TYRO3: variants seen among roughly 807,000 people sequenced by gnomAD.
The protein encoded by TYRO3 is TYRO3 protein tyrosine kinase, also known as tyrosine-protein kinase receptor TYRO3.
Under a neutral mutation model 95.2 loss-of-function variants are expected in TYRO3, and 38 were observed. The ratio of observed to expected loss-of-function variants is 0.40; its 90% confidence interval spans 0.31 to 0.52. The LOEUF is 0.52. Among genes scored for constraint, TYRO3 ranks in the 20% least tolerant of loss-of-function variants. The pLI is 0.56. For synonymous variants in TYRO3, 367 were observed against 432.9 expected, an observed-to-expected ratio of 0.85 and a Z score of 1.89; for missense variants, 812 against 1,116.4, an observed-to-expected ratio of 0.73 and a Z score of 3.89.
rs2055928325 is a variant in TYRO3, at chr15:41,582,017, G to A, written c.*3741G>A. 6.6e-6 allele frequency: 1 copy of A among 152,094 alleles called. No homozygotes were observed. The highest frequency in any genetic ancestry group is 1.5e-5 in the Non-Finnish European group (1 of 68,064). The allele number at this position is 152,094 out of a possible 1,614,324, so 9.4% of individuals were successfully genotyped here. A position where few individuals can be genotyped will look rare whatever the true frequency, so the allele number is the denominator to read the frequency against. ...ACAGCAACCCAGAAGCAACCCTTGG[G>A]ACCTGCCTCAATCTCTGCCTCCTCC... On this transcript the variant is annotated 3_prime_UTR_variant, in exon 19 of 19. Coordinates refer to ENST00000263798, the MANE Select transcript of TYRO3 (RefSeq NM_006293.4).
intron 4 of TYRO3, 47 bp downstream of exon 4, chr15:41,562,765 C>T: frequency 6.4e-7 from 1 of 1,553,460 alleles, no homozygotes; most frequent in Non-Finnish European, 8.7e-7. Flanking sequence ...GAGCTGGGTC[C>T]TGGAGGGCAC....
chr15:41,573,417 C>G lies in TYRO3; in HGVS notation c.2095C>G (p.Leu699Val). The change falls in exon 17 of 19, where the codon CTG becomes GTG. Residue 699 changes from leucine (L) to valine (V), a missense_variant. Physicochemically the swap from Leu to Val is conservative, Grantham distance 32 (BLOSUM62 1). Transcript: ENST00000263798. ...TGCCTCCAAACTGCCTGTCAAGTGG[C>G]TGGCCCTGGAGAGCCTGGCCGACAA... ...GCASKLPVKW[L>V]ALESLADNLY... The G allele has an allele frequency of 1.2e-6, 2 of 1,614,274 alleles. No homozygotes were observed. Among genetic ancestry groups the G allele is most frequent in the Non-Finnish European group, 1.7e-6 (2 of 1,180,054 alleles).
chr15:41,568,222 G>T lies in TYRO3; in HGVS notation c.967G>T (p.Ala323Ser). Residue 323 changes from alanine (A) to serine (S), a missense_variant, in exon 8 of 19, where the codon GCC (alanine) becomes TCC (serine). Physicochemically the swap from Ala to Ser is moderately conservative, Grantham distance 99 (BLOSUM62 1). Coordinates refer to ENST00000263798, the MANE Select transcript of TYRO3 (RefSeq NM_006293.4). Reference sequence around the variant, plus strand: ...TCTTCTCTCTTTGGCTGCAGCCCCAGCCAGCGCTCCCCAAAACCTCCATGC... The same window carrying T: ...TCTTCTCTCTTTGGCTGCAGCCCCATCCAGCGCTCCCCAAAACCTCCATGC... ...VPFQTKGLAP[A>S]SAPQNLHAIR... 3 of 1,612,166 alleles carry T rather than the reference G, an allele frequency of 1.9e-6. No individual in the cohort carries two copies. The highest frequency in any genetic ancestry group is 2.5e-6 in the Non-Finnish European group (3 of 1,179,890).
At chr15:41,570,439 C>A in intron 11 of TYRO3, 99 bp downstream of exon 11, 1 of 1,309,562 alleles carries the variant, frequency 7.6e-7, no homozygotes, top group South Asian at 1.4e-5. Flanking sequence ...GTCTGAACAT[C>A]AGTGAGCCCC....
At chr15:41,572,914 C>A in intron 15 of TYRO3, 88 bp from the exon 16 acceptor site, 1 of 1,070,434 alleles carries the variant, frequency 9.3e-7, no homozygotes, top group Non-Finnish European at 1.4e-6. Flanking sequence ...TGGGGACAGC[C>A]TTCAGGCTTT....
intron 16 of TYRO3, 84 bp downstream of exon 16, chr15:41,573,195 A>G (rs2055820125): frequency 3.5e-6 from 5 of 1,408,550 alleles, no homozygotes; most frequent in East Asian, 4.6e-5. Context: ...TGCCTGGGAC[A>G]GTATCTGCTA....
chr15:41,562,793 GCCAC>G, intron 4 of TYRO3, 75 bp downstream of exon 4: 1 of 1,475,966 alleles, frequency 6.8e-7, no homozygotes, highest in Non-Finnish European at 9.2e-7. Flanking sequence ...GGCAGTTTCA[GCCAC>G]TGAGCTTGCG....
chr15:41,561,504 C>A (rs1212407468), intron 2 of TYRO3, 35 bp from the exon 3 acceptor site: 1 of 1,550,488 alleles, frequency 6.4e-7, no homozygotes, highest in East Asian at 2.4e-5. Flanking sequence ...GCCGCCCTTG[C>A]CCTCGGAAGC....
chr15:41,564,565 C>G (rs932239226), intron 5 of TYRO3, among the ~76,000 whole-genome samples: 2 of 152,210 alleles, frequency 1.3e-5, no homozygotes, highest in Admixed American at 1.3e-4. Context: ...CCATGCCCAG[C>G]CTTGTTTCTG....
chr15:41,565,952 T>A (rs1033794318), intron 6 of TYRO3, among the ~76,000 whole-genome samples: 2 of 152,150 alleles, frequency 1.3e-5, no homozygotes, highest in African/African-American at 4.8e-5. Flanking sequence ...AATGAGTACC[T>A]TTCAAAACTG....
Position 41,573,040 on chromosome 15 carries a change from C to T in TYRO3, c.1914C>T (p.Asp638=). The change falls in exon 16 of 19, where the codon GAC becomes GAT. Residue 638 remains aspartate, a synonymous_variant. Coordinates refer to ENST00000263798, the MANE Select transcript of TYRO3 (RefSeq NM_006293.4). ...PLQTLIRFMV[D]IACGMEYLSS... ...AGACCCTGATCCGGTTCATGGTGGACATTGCCTGCGGCATGGAGTACCTGA... is the reference window on the plus strand; with the variant it reads ...AGACCCTGATCCGGTTCATGGTGGATATTGCCTGCGGCATGGAGTACCTGA... The T allele has an allele frequency of 1.2e-6, 2 of 1,614,218 alleles. No homozygotes were observed. Among genetic ancestry groups the T allele is most frequent in the Admixed American group, 3.3e-5 (2 of 60,030 alleles).
chr15:41,563,512 G>T (rs2055682945), intron 4 of TYRO3, among the ~76,000 whole-genome samples: 1 of 152,138 alleles, frequency 6.6e-6, no homozygotes, highest in African/African-American at 2.4e-5. Context: ...GGAAGCAAGT[G>T]CAGGTCCTGT....
chr15:41,564,052 C>T, intron 4 of TYRO3, 132 bp from the exon 5 acceptor site: 1 of 814,510 alleles, frequency 1.2e-6, no homozygotes, highest in Non-Finnish European at 2.1e-6. Flanking sequence ...CACCGTACCT[C>T]ACTGCCCAGC....
chr15:41,574,116 A>C (rs925509758), intron 18 of TYRO3, among the ~76,000 whole-genome samples: 2 of 152,170 alleles, frequency 1.3e-5, no homozygotes, highest in African/African-American at 4.8e-5. Flanking sequence ...ACAGTGTGGG[A>C]GGTTTCCCTG....
chr15:41,572,472 C>A lies in TYRO3; in HGVS notation c.1783C>A (p.Arg595Ser), dbSNP rs148583498. The A allele has an allele frequency of 1.2e-6, 2 of 1,614,106 alleles. No individual in the cohort carries two copies. The highest frequency in any genetic ancestry group is 2.7e-5 in the African/African-American group (2 of 74,944). ...GVSLRSRAKG[R>S]LPIPMVILPF... ...AAGCCTCCGGAGCAGGGCTAAAGGC[C>A]GTCTCCCCATCCCCATGGTCATCTT... The change falls in exon 15 of 19, where the codon CGT (arginine) becomes AGT (serine). Residue 595 changes from arginine (R) to serine (S), a missense_variant. Arg to Ser is a moderately radical substitution (Grantham distance 110). Transcript: ENST00000263798.
At chr15:41,573,139 G>T in intron 16 of TYRO3, 28 bp downstream of exon 16, 1 of 1,608,580 alleles carries the variant, frequency 6.2e-7, no homozygotes, top group Non-Finnish European at 8.5e-7. Context: ...CTCGAGGGTG[G>T]GAGACAGCAG....
Position 41,578,301 on chromosome 15 carries a change from C to T in TYRO3, c.*25C>T. 3 of 1,612,582 alleles carry T rather than the reference C, an allele frequency of 1.9e-6. No homozygotes were observed. The highest frequency in any genetic ancestry group is 2.5e-6 in the Non-Finnish European group (3 of 1,179,784). On this transcript the variant is annotated 3_prime_UTR_variant, in exon 19 of 19. Coordinates refer to ENST00000263798, the MANE Select transcript of TYRO3 (RefSeq NM_006293.4). ...GCCCACAGGCAGAGGGCATCGGGGC[C>T]ATTTGGCCGGCTCTGGTGGCCACTG... is the stretch of plus-strand genomic sequence containing the variant.
intron 9 of TYRO3, among the ~76,000 whole-genome samples, chr15:41,569,473 A>G (rs1296823633): frequency 6.6e-6 from 1 of 152,054 alleles, no homozygotes; most frequent in African/African-American, 2.4e-5. Context: ...TTGTCTCTAA[A>G]GAAACAAACA....
chr15:41,571,157 G>C (rs28480112), intron 13 of TYRO3, 39 bp downstream of exon 13: 1 of 1,602,216 alleles, frequency 6.2e-7, no homozygotes, highest in Non-Finnish European at 8.6e-7. Context: ...GCATCACTTG[G>C]AAGGGTAAGA....
Sources: gnomAD v4.1 joint callset for allele counts (sites outside exome capture counted in the v4.1 genomes callset) on GRCh38, gnomAD v4.1.1 for gene constraint, MANE v1.5 for transcripts, NCBI Gene and HGNC (gene_info 2026-07-23, HGNC 2026-07-21) for gene names.